Variants in CNTNAP4 observed in about 807,000 individuals in gnomAD.
The protein encoded by CNTNAP4 is contactin associated protein family member 4.
In CNTNAP4, 98 loss-of-function variants were observed where a neutral mutation model predicts 148.4. The ratio of observed to expected loss-of-function variants is 0.66; its 90% CI spans 0.56 to 0.78. CNTNAP4 has a LOEUF of 0.78. Ranked by LOEUF, CNTNAP4 falls within the 30% of genes least tolerant of loss-of-function variation. The pLI, the probability that CNTNAP4 is intolerant of heterozygous loss-of-function variation, is 0.00. For missense variants in CNTNAP4, 1,935 were observed against 1,565.6 expected (o/e 1.24, Z -3.98); for synonymous variants, 730 against 565.1 (o/e 1.29, Z -4.14).
chr16:76,476,802 A>G (rs1207365584), intron 11 of CNTNAP4, among the ~76,000 whole-genome samples: 1 of 152,100 alleles, frequency 6.6e-6, no homozygotes, highest in Non-Finnish European at 1.5e-5. Flanking sequence ...CAATACCACC[A>G]TATTGGGGAC....
chr16:76,535,999 A>C (rs1347193325), intron 18 of CNTNAP4, among the ~76,000 whole-genome samples: 1 of 152,130 alleles, frequency 6.6e-6, no homozygotes, highest in Non-Finnish European at 1.5e-5. Context: ...TTCATTACTT[A>C]AATATTTGAC....
At chr16:76,449,578 T>C in intron 6 of CNTNAP4, 137 bp from the exon 7 acceptor site, 1 of 642,284 alleles carries the variant, frequency 1.6e-6, no homozygotes, top group Non-Finnish European at 2.4e-6. Flanking sequence ...TTTAAATCTA[T>C]ATCTTAATTT....
At chr16:76,336,351 G>C (rs574673570) in intron 2 of CNTNAP4, among the ~76,000 whole-genome samples, 1 of 152,224 alleles carries the variant, frequency 6.6e-6, no homozygotes, top group East Asian at 1.9e-4. Flanking sequence ...TCTCTTCCCA[G>C]CTCAGCATTA....
intron 2 of CNTNAP4, among the ~76,000 whole-genome samples, chr16:76,316,805 T>C (rs954637965): frequency 2.0e-5 from 3 of 152,206 alleles, no homozygotes; most frequent in Admixed American, 6.5e-5. Flanking sequence ...ATGGACACAT[T>C]AGTGATGAAA....
chr16:76,529,798 A>G (rs1465815605), intron 17 of CNTNAP4, among the ~76,000 whole-genome samples: 3 of 150,336 alleles, frequency 2.0e-5, no homozygotes, highest in East Asian at 4.0e-4. Flanking sequence ...TTGATGTTGA[A>G]CTCTAAACAT....
At chr16:76,321,714 G>A (rs943389333) in intron 2 of CNTNAP4, among the ~76,000 whole-genome samples, 5 of 150,112 alleles carry the variant, frequency 3.3e-5, no homozygotes, top group Admixed American at 2.0e-4. Flanking sequence ...GCATGAACCC[G>A]GGAGGTGGAG....
intron 13 of CNTNAP4, among the ~76,000 whole-genome samples, chr16:76,492,229 A>G (rs1172570909): frequency 1.3e-5 from 2 of 152,182 alleles, no homozygotes; most frequent in African/African-American, 2.4e-5. Context: ...TATACTTGAA[A>G]TCTGCTAAGA....
At chr16:76,284,540 A>G (rs1958808319) in intron 1 of CNTNAP4, among the ~76,000 whole-genome samples, 1 of 152,034 alleles carries the variant, frequency 6.6e-6, no homozygotes, top group Non-Finnish European at 1.5e-5. Context: ...GGAAGGATTC[A>G]GGGTTTTAAA....
intron 3 of CNTNAP4, among the ~76,000 whole-genome samples, chr16:76,363,904 C>T (rs991588540): frequency 6.6e-5 from 10 of 152,046 alleles, no homozygotes; most frequent in African/African-American, 2.4e-4. Flanking sequence ...AATCCCTTCT[C>T]ATAAACTTCT....
intron 23 of CNTNAP4, 130 bp downstream of exon 23, chr16:76,554,037 T>TG (rs1248927757): frequency 2.7e-5 from 15 of 565,026 alleles, no homozygotes; most frequent in Non-Finnish European, 4.4e-5. Context: ...CTGAGGTCAT[T>TG]GGGGTGATTT....
intron 3 of CNTNAP4, among the ~76,000 whole-genome samples, chr16:76,356,896 G>C (rs990100204): frequency 2.0e-5 from 3 of 152,084 alleles, no homozygotes; most frequent in Non-Finnish European, 2.9e-5. Flanking sequence ...CATGCTTATT[G>C]ATGTAAATTG....
intron 15 of CNTNAP4, among the ~76,000 whole-genome samples, chr16:76,513,318 G>A (rs2083102066): frequency 6.6e-6 from 1 of 152,110 alleles, no homozygotes; most frequent in South Asian, 2.1e-4. Context: ...TTATTGGGGA[G>A]AGGAAGTGTG....
chr16:76,317,901 G>A (rs1332708241), intron 2 of CNTNAP4, among the ~76,000 whole-genome samples: 1 of 152,170 alleles, frequency 6.6e-6, no homozygotes, highest in Non-Finnish European at 1.5e-5. Context: ...GGTATCAGTG[G>A]AGAGTGAGAA....
At chr16:76,472,376 T>C (rs933900945) in intron 10 of CNTNAP4, among the ~76,000 whole-genome samples, 1 of 152,108 alleles carries the variant, frequency 6.6e-6, no homozygotes, top group African/African-American at 2.4e-5. Context: ...TCAGTTGGTC[T>C]TTTTGAAGCA....
At chr16:76,317,252 C>CAAAAAAAAAAA (rs11149891) in intron 2 of CNTNAP4, among the ~76,000 whole-genome samples, 1 of 86,278 alleles carries the variant, frequency 1.2e-5, no homozygotes, top group Non-Finnish European at 2.4e-5. Flanking sequence ...GACCCTGTCT[C>CAAAAAAAAAAA]AAAAAAAAAA....
Position 76,466,577 on chromosome 16 carries a change from A to G in CNTNAP4, c.1484-775A>G, listed in dbSNP as rs546869836. 1.3e-4 allele frequency among the ~76,000 whole-genome samples: 20 copies of G among 152,280 alleles called. No individual in the cohort carries two copies. In the South Asian group the frequency reaches 1.7e-3, roughly 13 times the overall value. On this transcript the variant is annotated intron_variant, in intron 9 of 23. Transcript: ENST00000611870. ...TTGAAAAAATGTAATATATGTATTC[A>G]TACTCGATAAACTTATTTATTCCAC...
intron 1 of CNTNAP4, among the ~76,000 whole-genome samples, chr16:76,297,297 G>A (rs989694992): frequency 2.6e-5 from 4 of 152,010 alleles, no homozygotes; most frequent in African/African-American, 7.3e-5. Context: ...AAATCATATT[G>A]ACTGGGAATT....
chr16:76,550,380 C>T (rs1238139795), intron 21 of CNTNAP4, among the ~76,000 whole-genome samples: 7 of 152,038 alleles, frequency 4.6e-5, no homozygotes, highest in Admixed American at 3.9e-4. Context: ...ACCATGTGTC[C>T]ATTTTGAGTT....
At chr16:76,334,735 C>G (rs544836550) in intron 2 of CNTNAP4, among the ~76,000 whole-genome samples, 18 of 152,096 alleles carry the variant, frequency 1.2e-4, no homozygotes, top group Admixed American at 1.2e-3. Flanking sequence ...ACTGTCAAAA[C>G]CCATGTATTT....
Sources: allele counts gnomAD v4.1 joint callset (sites outside exome capture counted in the v4.1 genomes callset), GRCh38; gene constraint gnomAD v4.1.1; transcripts MANE v1.5; gene names NCBI Gene and HGNC (gene_info 2026-07-23, HGNC 2026-07-21).